DCAF8L2: variants seen among roughly 807,000 people sequenced by gnomAD.
The protein encoded by DCAF8L2 is DDB1 and CUL4 associated factor 8 like 2, also known as DDB1- and CUL4-associated factor 8-like protein 2.
For synonymous variants in DCAF8L2, 200 were observed against 190.9 expected (o/e 1.05, Z -0.39); for missense variants, 430 against 490.7 (o/e 0.88, Z 1.17).
chrX:27,707,933 A>G (rs1236573429), intron 3 of DCAF8L2, among the ~76,000 whole-genome samples: 1 of 111,797 alleles, frequency 8.9e-6, no homozygotes, highest in African/African-American at 3.3e-5. Flanking sequence ...TTTCTTTCCT[A>G]TCCACCAATT....
the DCAF8L2 span, among the ~76,000 whole-genome samples, chrX:27,535,333 T>C: frequency 8.9e-6 from 1 of 112,051 alleles, no homozygotes; most frequent in Non-Finnish European, 1.9e-5. Context: ...GTCAAAAATC[T>C]GAGAACTCTA....
chrX:27,681,578 C>T (rs1272489134), intron 3 of DCAF8L2, among the ~76,000 whole-genome samples: 1 of 112,026 alleles, frequency 8.9e-6, no homozygotes, highest in Non-Finnish European at 1.9e-5. Flanking sequence ...TATTTTGTTA[C>T]ATAAAATATA....
the DCAF8L2 span, among the ~76,000 whole-genome samples, chrX:27,547,042 A>C: frequency 8.9e-6 from 1 of 112,111 alleles, no homozygotes; most frequent in East Asian, 2.8e-4. Context: ...CCAAACTTTT[A>C]TGCTGTGCTT....
chrX:27,528,501 T>TATATATATATAC, the DCAF8L2 span, among the ~76,000 whole-genome samples: 1 of 100,258 alleles, frequency 1.0e-5, no homozygotes, highest in African/African-American at 3.7e-5. Context: ...TATATATATA[T>TATATATATATAC]ACACACACAC....
intron 2 of DCAF8L2, among the ~76,000 whole-genome samples, chrX:27,651,482 A>G (rs747561474): frequency 1.8e-5 from 2 of 110,336 alleles, no homozygotes; most frequent in East Asian, 5.6e-4. Context: ...GTTTTAAATA[A>G]TAAAAATGAA....
At chrX:27,745,536 G>T (rs1922119043) in intron 4 of DCAF8L2, among the ~76,000 whole-genome samples, 1 of 111,844 alleles carries the variant, frequency 8.9e-6, no homozygotes, top group Non-Finnish European at 1.9e-5. Flanking sequence ...TTTTCAGTTT[G>T]CTGCGCTAGA....
chrX:27,501,107 T>C, the DCAF8L2 span, among the ~76,000 whole-genome samples: 4 of 111,100 alleles, frequency 3.6e-5, no homozygotes, highest in African/African-American at 1.3e-4. Context: ...GACAAATACA[T>C]GCTTGCTCTA....
At chrX:27,676,951 A>G (rs186991993) in intron 2 of DCAF8L2, 2 of 111,599 alleles carry the variant, frequency 1.8e-5, no homozygotes, top group African/African-American at 6.5e-5. Flanking sequence ...TCTAGGAAAA[A>G]GAAGAGAGAG....
the DCAF8L2 span, among the ~76,000 whole-genome samples, chrX:27,511,002 A>G: frequency 9.0e-6 from 1 of 111,104 alleles, no homozygotes; most frequent in African/African-American, 3.3e-5. Context: ...GTGTTTTTGC[A>G]TTCTAATAGA....
chrX:27,515,979 G>C, the DCAF8L2 span, among the ~76,000 whole-genome samples: 1 of 112,159 alleles, frequency 8.9e-6, no homozygotes, highest in African/African-American at 3.2e-5. Flanking sequence ...TTTTCATAAT[G>C]TCTGCCCAGA....
chrX:27,684,401 A>G (rs1473060096), intron 3 of DCAF8L2, among the ~76,000 whole-genome samples: 1 of 112,198 alleles, frequency 8.9e-6, no homozygotes, highest in Non-Finnish European at 1.9e-5. Flanking sequence ...TTTTACATGT[A>G]TTAAAACTCA....
intron 1 of DCAF8L2, among the ~76,000 whole-genome samples, chrX:27,617,471 A>C (rs1927534036): frequency 9.0e-6 from 1 of 111,200 alleles, no homozygotes; most frequent in South Asian, 3.7e-4. Flanking sequence ...GAGTCTTAAA[A>C]GCTATGAAAT....
intron 3 of DCAF8L2, among the ~76,000 whole-genome samples, chrX:27,691,364 A>G (rs1390304050): frequency 9.0e-6 from 1 of 111,719 alleles, no homozygotes; most frequent in Non-Finnish European, 1.9e-5. Flanking sequence ...ATTTAAATCC[A>G]TGTCAAGATG....
At chrX:27,688,812 T>C (rs1289229120) in intron 3 of DCAF8L2, among the ~76,000 whole-genome samples, 1 of 111,913 alleles carries the variant, frequency 8.9e-6, no homozygotes, top group Non-Finnish European at 1.9e-5. Context: ...TCTAAGTATA[T>C]TTGATAAGTA....
At chrX:27,543,084 T>G in the DCAF8L2 span, among the ~76,000 whole-genome samples, 1 of 112,252 alleles carries the variant, frequency 8.9e-6, no homozygotes, top group East Asian at 2.8e-4. Context: ...GAATTGTGTT[T>G]CTTAGGTTTT....
chrX:27,471,126 A>T, the DCAF8L2 span, among the ~76,000 whole-genome samples: 1 of 111,950 alleles, frequency 8.9e-6, no homozygotes, highest in East Asian at 2.8e-4. Flanking sequence ...CTTATCATCT[A>T]CTAAGTTTTT....
At chrX:27,639,380 G>C (rs946902286) in intron 2 of DCAF8L2, among the ~76,000 whole-genome samples, 1 of 111,660 alleles carries the variant, frequency 9.0e-6, no homozygotes, top group African/African-American at 3.3e-5. Context: ...TAGCACAACA[G>C]GGCGACTATA....
intron 4 of DCAF8L2, among the ~76,000 whole-genome samples, chrX:27,722,300 A>C (rs1212130835): frequency 9.0e-6 from 1 of 111,618 alleles, no homozygotes; most frequent in Non-Finnish European, 1.9e-5. Flanking sequence ...TCGACTTACA[A>C]TGTGGTTACG....
chrX:27,562,147 C>T, the DCAF8L2 span, among the ~76,000 whole-genome samples: 4 of 112,360 alleles, frequency 3.6e-5, no homozygotes, highest in African/African-American at 9.7e-5. Context: ...TTGCACTTCC[C>T]TAATGACTGA....
Sources: gnomAD v4.1 joint callset for allele counts (sites outside exome capture counted in the v4.1 genomes callset) on GRCh38, gnomAD v4.1.1 for gene constraint, MANE v1.5 for transcripts, NCBI Gene and HGNC (gene_info 2026-07-23, HGNC 2026-07-21) for gene names.